CTNNBL1: variants seen among roughly 807,000 people sequenced by gnomAD.
The protein encoded by CTNNBL1 is beta-catenin-like protein 1.
In CTNNBL1, 31 loss-of-function variants were observed where a neutral mutation model predicts 72.7. That is an observed-to-expected ratio of 0.43 (90% CI 0.32 to 0.58). The LOEUF (loss-of-function observed/expected upper bound fraction) is 0.58, where lower values mean the gene tolerates loss of function less well. Among genes scored for constraint, CTNNBL1 ranks in the 20% least tolerant of loss-of-function variants. CTNNBL1 has a pLI of 0.08. For synonymous variants in CTNNBL1, 240 were observed against 267.3 expected (o/e 0.90, Z 1.00); for missense variants, 534 against 725.1 (o/e 0.74, Z 3.03).
At chr20:37,711,631 A>G (rs2072939005) in intron 1 of CTNNBL1, among the ~76,000 whole-genome samples, 1 of 150,836 alleles carries the variant, frequency 6.6e-6, no homozygotes, top group Admixed American at 6.6e-5. Flanking sequence ...GGAAAAAAAT[A>G]GGCTGATGTA....
chr20:37,718,526 G>A, intron 1 of CTNNBL1, among the ~76,000 whole-genome samples: 1 of 146,868 alleles, frequency 6.8e-6, no homozygotes, highest in South Asian at 2.2e-4. Flanking sequence ...TCACTTCCCA[G>A]TAGGGGCGGC....
rs2071979464 is a variant in CTNNBL1 at position 37,808,418 on chromosome 20, C to T, written c.1213+5370C>T. ...GACAAAAAGAAACATTTTTAAAAGT[C>T]TTCGTGCTGGGCTGTAATGACATGG... On this transcript the variant is annotated intron_variant, in intron 11 of 15. Coordinates refer to ENST00000361383, the MANE Select transcript of CTNNBL1 (RefSeq NM_030877.5). 5.9e-5 allele frequency among the ~76,000 whole-genome samples: 9 copies of T among 152,296 alleles called. No homozygotes were observed. In the South Asian group the frequency reaches 1.9e-3, roughly 32 times the overall value.
At chr20:37,813,208 C>A (rs1392435591) in intron 11 of CTNNBL1, among the ~76,000 whole-genome samples, 1 of 152,228 alleles carries the variant, frequency 6.6e-6, no homozygotes, top group South Asian at 2.1e-4. Context: ...CAGTCTGGTA[C>A]CAGTCCTTGC....
At chr20:37,716,367 A>G (rs573077806) in intron 1 of CTNNBL1, among the ~76,000 whole-genome samples, 4 of 152,294 alleles carry the variant, frequency 2.6e-5, no homozygotes, top group South Asian at 4.1e-4. Context: ...GCCAAGACGC[A>G]TTTGCCCAGG....
At position 37,802,953 on chromosome 20, in the gene CTNNBL1, T is replaced by G. The variant is rs762623091; in HGVS notation, c.1118T>G (p.Phe373Cys). The G allele has an allele frequency of 3.1e-6, 5 of 1,614,074 alleles. No individual in the cohort carries two copies. Among genetic ancestry groups the G allele is most frequent in the Non-Finnish European group, 4.2e-6 (5 of 1,179,988 alleles). The change falls in exon 11 of 16, where the codon TTT becomes TGT. Residue 373 changes from phenylalanine (F) to cysteine (C), a missense_variant. Transcript: ENST00000361383. Reference protein sequence around the residue: ...GPEGTDNCHKFVDILGLRTIF... With the variant: ...GPEGTDNCHKCVDILGLRTIF... The stretch of plus-strand genomic sequence containing the variant: ...GAAGGCACAGACAACTGCCATAAGT[T>G]TGTTGACATTCTTGGCTTACGAACC...
intron 9 of CTNNBL1, among the ~76,000 whole-genome samples, chr20:37,778,819 G>A (rs185382544): frequency 3.2e-4 from 48 of 152,154 alleles, no homozygotes; most frequent in African/African-American, 1.2e-3. Flanking sequence ...ATGATTTCAG[G>A]GGTGTTCACT....
chr20:37,844,880 A>G (rs1046109293), intron 13 of CTNNBL1, among the ~76,000 whole-genome samples: 2 of 152,188 alleles, frequency 1.3e-5, no homozygotes, highest in African/African-American at 4.8e-5. Flanking sequence ...CCTGAGAGGT[A>G]AGGGTTGCAA....
intron 11 of CTNNBL1, among the ~76,000 whole-genome samples, chr20:37,819,745 T>C (rs907747158): frequency 2.6e-5 from 4 of 152,180 alleles, no homozygotes; most frequent in Non-Finnish European, 5.9e-5. Flanking sequence ...AGCCACAGTG[T>C]CATAGCTTTT....
chr20:37,713,891 C>T (rs1347787339), intron 1 of CTNNBL1, among the ~76,000 whole-genome samples: 6 of 152,078 alleles, frequency 3.9e-5, no homozygotes, highest in African/African-American at 1.2e-4. Context: ...TTGTGCTGTT[C>T]GACTTATGTG....
chr20:37,847,701 G>A (rs1231106941), intron 13 of CTNNBL1, among the ~76,000 whole-genome samples: 1 of 152,178 alleles, frequency 6.6e-6, no homozygotes, highest in East Asian at 1.9e-4. Flanking sequence ...AAAGAGGGAG[G>A]AGAGCCTTGG....
intron 4 of CTNNBL1, 99 bp downstream of exon 4, chr20:37,746,706 C>A: frequency 1.4e-6 from 2 of 1,390,688 alleles, no homozygotes; most frequent in Non-Finnish European, 2.0e-6. Flanking sequence ...GCTATAAAAT[C>A]TGATGTTCTG....
chr20:37,724,424 A>C (rs2073066192), intron 1 of CTNNBL1, among the ~76,000 whole-genome samples: 2 of 152,130 alleles, frequency 1.3e-5, no homozygotes, highest in African/African-American at 4.8e-5. Context: ...TAAGGGGGGA[A>C]GTATTAGAAG....
At chr20:37,708,864 C>T (rs993182637) in intron 1 of CTNNBL1, among the ~76,000 whole-genome samples, 9 of 152,082 alleles carry the variant, frequency 5.9e-5, no homozygotes, top group Non-Finnish European at 8.8e-5. Flanking sequence ...ACTGGCCAGG[C>T]GCGGTGGCTC....
chr20:37,717,135 T>C (rs2072992770), intron 1 of CTNNBL1, among the ~76,000 whole-genome samples: 1 of 149,254 alleles, frequency 6.7e-6, no homozygotes. Flanking sequence ...TTCCTGGTAG[T>C]ATACACTCTT....
intron 1 of CTNNBL1, among the ~76,000 whole-genome samples, chr20:37,728,253 G>T (rs2073101696): frequency 6.6e-6 from 1 of 152,138 alleles, no homozygotes; most frequent in Admixed American, 6.5e-5. Context: ...GTGAAAAAAA[G>T]AATGTAAAAT....
rs1213698139 is a variant in CTNNBL1, at chr20:37,864,882, G to A, written c.1603+4538G>A. Among the ~76,000 whole-genome samples, 3 of 152,214 alleles carry A rather than the reference G, an allele frequency of 2.0e-5. No homozygotes were observed. The East Asian group carries it at 5.8e-4, about 29-fold the overall frequency. ...GGTAGGTAGAGTAGTCACTTACCGA[G>A]CTCCTACCTCCTCTGGGTCAGGCCT... On this transcript the variant is annotated intron_variant, in intron 15 of 15. Transcript: ENST00000361383.
chr20:37,754,443 C>T (rs1434995150), intron 4 of CTNNBL1, among the ~76,000 whole-genome samples: 1 of 151,862 alleles, frequency 6.6e-6, no homozygotes, highest in Non-Finnish European at 1.5e-5. Flanking sequence ...AGACATCTGA[C>T]TCCACAGTGG....
At chr20:37,784,808 T>C (rs1390209998) in intron 10 of CTNNBL1, among the ~76,000 whole-genome samples, 1 of 152,268 alleles carries the variant, frequency 6.6e-6, no homozygotes, top group East Asian at 1.9e-4. Flanking sequence ...TGTGTTTTTC[T>C]GTGTACTTAT....
intron 1 of CTNNBL1, among the ~76,000 whole-genome samples, chr20:37,715,635 G>A (rs939074222): frequency 6.6e-6 from 1 of 152,186 alleles, no homozygotes; most frequent in African/African-American, 2.4e-5. Flanking sequence ...TGTGTACAGG[G>A]TTTTTCAGGC....
Sources: allele counts gnomAD v4.1 joint callset (sites outside exome capture counted in the v4.1 genomes callset), GRCh38; gene constraint gnomAD v4.1.1; transcripts MANE v1.5; gene names NCBI Gene and HGNC (gene_info 2026-07-23, HGNC 2026-07-21).